Variants in PSME4 observed in about 807,000 individuals in gnomAD.
The protein encoded by PSME4 is proteasome activator complex subunit 4.
PSME4 carries 89 observed loss-of-function variants against 253.9 expected under a neutral mutation model. The ratio of observed to expected loss-of-function variants is 0.35; its 90% CI spans 0.30 to 0.42. The LOEUF is 0.42. Ranked by LOEUF, PSME4 falls within the 10% of genes least tolerant of loss-of-function variation. The pLI is 1.00. For synonymous variants in PSME4, 851 were observed against 759.2 expected, an observed-to-expected ratio of 1.12 and a Z score of -1.99; for missense variants, 2,014 against 2,195.2, an observed-to-expected ratio of 0.92 and a Z score of 1.65.
chr2:53,869,473 A>T lies in PSME4; in HGVS notation c.5166T>A (p.Ser1722Arg). 1 of 1,604,994 alleles carries T rather than the reference A, an allele frequency of 6.2e-7. No individual in the cohort carries two copies. Among genetic ancestry groups the T allele is most frequent in the Non-Finnish European group, 8.5e-7 (1 of 1,173,622 alleles). ...GTTGCTCAAAATGAATCTGCATAGG[A>T]CTGTCCATGGTAAGAAAGTTACACT... ...LLQCNFLTMDSPMQIHFEQLC... is the reference protein window; with the variant it reads ...LLQCNFLTMDRPMQIHFEQLC... Residue 1722 changes from serine to arginine, a missense_variant, in exon 44 of 47, where the codon AGT becomes AGA. This residue lies in a region of PSME4 where 403 missense variants were observed against 556.1 expected (regional missense o/e 0.72). Coordinates refer to ENST00000404125, the MANE Select transcript of PSME4 (RefSeq NM_014614.3).
At chr2:53,946,121 A>C (rs1472091785) in intron 3 of PSME4, among the ~76,000 whole-genome samples, 1 of 152,220 alleles carries the variant, frequency 6.6e-6, no homozygotes, top group Non-Finnish European at 1.5e-5. Flanking sequence ...AACAGCTCTT[A>C]TCACTGAAGA....
chr2:53,970,620 G>T lies in PSME4; in HGVS notation c.165C>A (p.Ile55=). The change falls in exon 1 of 47, where the codon ATC becomes ATA. Residue 55 remains isoleucine (I), a synonymous_variant. Transcript: ENST00000404125. The part of the protein sequence containing the change: ...DAESDLQLAQ[I]KCNLGRAVQL... ...GCACGGCCCGGCCCAGGTTGCATTT[G>T]ATCTGGGCCAGCTGCAAGTCGGACT... is the stretch of plus-strand genomic sequence containing the variant. The T allele has an allele frequency of 4.5e-6, 7 of 1,549,950 alleles. No homozygotes were observed. The highest frequency in any genetic ancestry group is 5.2e-6 in the Non-Finnish European group (6 of 1,146,924).
Position 53,923,293 on chromosome 2 carries a change from A to G in PSME4, c.1908+28T>C, listed in dbSNP as rs149432358. On this transcript the variant is annotated intron_variant, in intron 15 of 46. Transcript: ENST00000404125. ...AAACTAGTTGATTGTTGAGTCATTAATACATCAGTTCAAAAAAATAAACTC... is the reference window on the plus strand; with the variant it reads ...AAACTAGTTGATTGTTGAGTCATTAGTACATCAGTTCAAAAAAATAAACTC... 6.5e-4 allele frequency: 1,024 copies of G among 1,581,824 alleles called. 17 individuals carry two copies. In the East Asian group the frequency reaches 0.021, roughly 33 times the overall value.
intron 1 of PSME4, among the ~76,000 whole-genome samples, chr2:53,968,649 C>A (rs1482038426): frequency 2.0e-5 from 3 of 152,176 alleles, no homozygotes; most frequent in Non-Finnish European, 2.9e-5. Flanking sequence ...AACCACTATT[C>A]CAAAATAAAA....
chr2:53,942,010 T>C (rs1458231736), intron 3 of PSME4: 1 of 152,590 alleles, frequency 6.6e-6, no homozygotes, highest in East Asian at 1.9e-4. Context: ...TAACACTTGA[T>C]AGAGTCACTT....
chr2:53,883,004 GTGC>G (rs1182824214), intron 41 of PSME4, among the ~76,000 whole-genome samples: 2 of 151,868 alleles, frequency 1.3e-5, no homozygotes, highest in Non-Finnish European at 2.9e-5. Context: ...TTATGAATAT[GTGC>G]TGCTTTTATA....
At chr2:53,902,789 T>C (rs1043756584) in intron 27 of PSME4, among the ~76,000 whole-genome samples, 2 of 152,174 alleles carry the variant, frequency 1.3e-5, no homozygotes, top group Admixed American at 6.5e-5. Flanking sequence ...ATACATAATA[T>C]ATAAATGAAT....
chr2:53,959,093 G>C (rs1157820531), intron 1 of PSME4, among the ~76,000 whole-genome samples: 4 of 152,206 alleles, frequency 2.6e-5, no homozygotes, highest in African/African-American at 4.8e-5. Context: ...AGGGCAGGTG[G>C]ACTGCTTGAG....
intron 9 of PSME4, 56 bp downstream of exon 9, chr2:53,932,612 G>C (rs1331030389): frequency 7.2e-7 from 1 of 1,395,736 alleles, no homozygotes. Flanking sequence ...CAATAGTCAA[G>C]GATGACCATA....
chr2:53,875,525 A>G, intron 42 of PSME4, 102 bp downstream of exon 42: 2 of 1,185,418 alleles, frequency 1.7e-6, no homozygotes, highest in Non-Finnish European at 2.3e-6. Context: ...AAGAAAATTC[A>G]AAACAAAAAC....
intron 28 of PSME4, among the ~76,000 whole-genome samples, chr2:53,900,284 C>G (rs1229974981): frequency 6.6e-6 from 1 of 151,894 alleles, no homozygotes; most frequent in Non-Finnish European, 1.5e-5. Context: ...GGAGGCCAGA[C>G]ATGGTGGCTC....
At chr2:53,943,411 G>A (rs971023281) in intron 3 of PSME4, among the ~76,000 whole-genome samples, 1 of 152,128 alleles carries the variant, frequency 6.6e-6, no homozygotes, top group Admixed American at 6.5e-5. Context: ...CAAATCCACC[G>A]TAAGTTAGTT....
intron 1 of PSME4, among the ~76,000 whole-genome samples, chr2:53,966,380 G>C (rs559622710): frequency 6.6e-6 from 1 of 152,178 alleles, no homozygotes; most frequent in Non-Finnish European, 1.5e-5. Flanking sequence ...AATAATGTTA[G>C]GCAGGCCACG....
At chr2:53,913,704 T>C (rs140417158) in intron 20 of PSME4, among the ~76,000 whole-genome samples, 40 of 152,336 alleles carry the variant, frequency 2.6e-4, no homozygotes, top group African/African-American at 9.6e-4. Context: ...ACCTGGCTCT[T>C]ATCCTGCCAG....
At chr2:53,952,659 C>T (rs369017228) in intron 1 of PSME4, among the ~76,000 whole-genome samples, 3 of 152,324 alleles carry the variant, frequency 2.0e-5, no homozygotes, top group East Asian at 3.9e-4. Context: ...CCAGCAGTCC[C>T]CAACCTTTTT....
chr2:53,936,019 G>A (rs1002911885), intron 7 of PSME4, 68 bp downstream of exon 7: 50 of 1,539,542 alleles, frequency 3.2e-5, no homozygotes, highest in Admixed American at 2.7e-4. Context: ...TCAGCCACCC[G>A]AGCAGCTGGG....
chr2:53,875,262 C>T (rs1679067098), intron 42 of PSME4, among the ~76,000 whole-genome samples: 1 of 152,144 alleles, frequency 6.6e-6, no homozygotes, highest in Non-Finnish European at 1.5e-5. Flanking sequence ...AGAAAATGTA[C>T]AGTCAGTATA....
chr2:53,872,025 G>A (rs562831425), intron 43 of PSME4, among the ~76,000 whole-genome samples: 2 of 152,068 alleles, frequency 1.3e-5, no homozygotes, highest in Admixed American at 1.3e-4. Flanking sequence ...CAAAAAAAGG[G>A]GGGGCGGGGA....
At chr2:53,966,563 CAA>C (rs35339533) in intron 1 of PSME4, among the ~76,000 whole-genome samples, 15 of 136,632 alleles carry the variant, frequency 1.1e-4, no homozygotes, top group Non-Finnish European at 1.1e-4. Context: ...ACTCTGTCTC[CAA>C]AAAAAAAAAA....
Sources: gnomAD v4.1 joint callset for allele counts (sites outside exome capture counted in the v4.1 genomes callset) on GRCh38, gnomAD v4.1.1 for gene constraint, gnomAD v4.1.1 regional missense constraint, MANE v1.5 for transcripts, NCBI Gene and HGNC (gene_info 2026-07-23, HGNC 2026-07-21) for gene names.